Variants in FOXP1 observed in about 807,000 individuals in gnomAD.
FOXP1 encodes the protein forkhead box protein P1.
In FOXP1, 15 loss-of-function variants were observed where a neutral mutation model predicts 98.2. That is an observed-to-expected ratio of 0.15 (90% CI 0.10 to 0.24). The LOEUF is 0.24. Ranked by LOEUF, FOXP1 falls within the 10% of genes least tolerant of loss-of-function variation. The pLI, the probability that FOXP1 is intolerant of heterozygous loss-of-function variation, is 1.00. For synonymous variants in FOXP1, 371 were observed against 314.5 expected (o/e 1.18, Z -1.90); for missense variants, 633 against 848.5 (o/e 0.75, Z 3.15).
intron 2 of FOXP1, among the ~76,000 whole-genome samples, chr3:71,545,793 A>G (rs1056855722): frequency 3.9e-5 from 6 of 152,238 alleles, no homozygotes; most frequent in Non-Finnish European, 8.8e-5. Context: ...TTACATTCCT[A>G]GAAAACAGAT....
intron 5 of FOXP1, among the ~76,000 whole-genome samples, chr3:71,216,121 C>T (rs1412775502): frequency 6.6e-6 from 1 of 152,164 alleles, no homozygotes; most frequent in Non-Finnish European, 1.5e-5. Context: ...AACCAAATCC[C>T]CATCACTGAC....
At chr3:71,502,030 G>A (rs2041418310) in intron 2 of FOXP1, among the ~76,000 whole-genome samples, 3 of 152,222 alleles carry the variant, frequency 2.0e-5, no homozygotes. Flanking sequence ...TCATCAGGAA[G>A]GCTCTTTTGG....
intron 3 of FOXP1, among the ~76,000 whole-genome samples, chr3:71,390,230 G>GT (rs1427749326): frequency 6.6e-6 from 1 of 152,146 alleles, no homozygotes; most frequent in Admixed American, 6.6e-5. Context: ...AGGACCTGCT[G>GT]TAACTCAAAA....
chr3:71,277,829 A>AT (rs1230984313), intron 5 of FOXP1, among the ~76,000 whole-genome samples: 6 of 152,090 alleles, frequency 3.9e-5, no homozygotes, highest in Non-Finnish European at 7.4e-5. Flanking sequence ...AATTAATTAA[A>AT]TTTTTTTAGG....
chr3:71,247,365 G>A (rs1359894564), intron 5 of FOXP1, among the ~76,000 whole-genome samples: 6 of 152,132 alleles, frequency 3.9e-5, no homozygotes, highest in African/African-American at 1.2e-4. Flanking sequence ...CTCTTCCCTG[G>A]GCAGGGAGAA....
At chr3:71,528,616 T>G (rs1458152655) in intron 2 of FOXP1, among the ~76,000 whole-genome samples, 1 of 152,244 alleles carries the variant, frequency 6.6e-6, no homozygotes, top group Non-Finnish European at 1.5e-5. Context: ...CGGAGTCATT[T>G]ACCCTGATTT....
intron 3 of FOXP1, among the ~76,000 whole-genome samples, chr3:71,433,031 T>G (rs2084880898): frequency 6.6e-6 from 1 of 151,556 alleles, no homozygotes; most frequent in African/African-American, 2.4e-5. Context: ...GATCTTTTGG[T>G]GTTAAAAAAA....
At chr3:71,064,829 A>G (rs2107326693) in intron 7 of FOXP1, 2 of 982,778 alleles carry the variant, frequency 2.0e-6, no homozygotes, top group Non-Finnish European at 2.4e-6. Flanking sequence ...CCAACCTGAC[A>G]CTCTCCATGT....
At chr3:71,212,335 T>C (rs2064545473) in intron 5 of FOXP1, among the ~76,000 whole-genome samples, 1 of 152,206 alleles carries the variant, frequency 6.6e-6, no homozygotes, top group African/African-American at 2.4e-5. Flanking sequence ...CTCCACGCTA[T>C]AATCTTGACC....
rs184623434 is a variant in FOXP1 at position 71,353,148 on chromosome 3, G to C, written c.-73+6002C>G. 2.5e-4 allele frequency among the ~76,000 whole-genome samples: 38 copies of C among 152,276 alleles called. 1 individual carries two copies. Among genetic ancestry groups the C allele is most frequent in the African/African-American group, 8.7e-4 (36 of 41,574 alleles). On this transcript the variant is annotated intron_variant, in intron 4 of 20. Coordinates refer to ENST00000649528, the MANE Select transcript of FOXP1 (RefSeq NM_001349338.3). ...CTTAGCCAGAGTCACCTGGCACTGA[G>C]AGACTGCTGAACCAAATTGGACTCA...
At chr3:71,069,378 C>T (rs2052945079) in intron 7 of FOXP1, among the ~76,000 whole-genome samples, 1 of 152,124 alleles carries the variant, frequency 6.6e-6, no homozygotes, top group Admixed American at 6.5e-5. Flanking sequence ...CAGAGGTAAA[C>T]AAAATCATGA....
At chr3:71,268,059 T>C (rs1194479664) in intron 5 of FOXP1, among the ~76,000 whole-genome samples, 1 of 150,478 alleles carries the variant, frequency 6.6e-6, no homozygotes, top group African/African-American at 2.4e-5. Flanking sequence ...GATTTTAAAA[T>C]TATTTCAGCT....
intron 7 of FOXP1, among the ~76,000 whole-genome samples, chr3:71,089,814 T>A (rs1370231385): frequency 6.6e-6 from 1 of 152,224 alleles, no homozygotes; most frequent in Non-Finnish European, 1.5e-5. Flanking sequence ...CCTTTGAGAC[T>A]CTGAGGTGAA....
intron 2 of FOXP1, among the ~76,000 whole-genome samples, chr3:71,579,264 A>G (rs1157903143): frequency 6.6e-6 from 1 of 152,214 alleles, no homozygotes; most frequent in African/African-American, 2.4e-5. Context: ...TTTATACTCC[A>G]CGATTTAAAT....
intron 7 of FOXP1, among the ~76,000 whole-genome samples, chr3:71,104,545 C>G (rs1229101889): frequency 6.6e-6 from 1 of 152,174 alleles, no homozygotes; most frequent in Non-Finnish European, 1.5e-5. Context: ...AAATCCAATT[C>G]TTTCACATCC....
chr3:70,959,476 A>C, intron 20 of FOXP1, 85 bp from the exon 21 acceptor site: 1 of 1,458,842 alleles, frequency 6.9e-7, no homozygotes, highest in Non-Finnish European at 9.6e-7. Flanking sequence ...GGCAACAGAA[A>C]AGCCGCACTC....
chr3:71,203,167 C>T (rs893058685), intron 5 of FOXP1, among the ~76,000 whole-genome samples: 6 of 152,186 alleles, frequency 3.9e-5, no homozygotes, highest in Non-Finnish European at 8.8e-5. Context: ...GTGGCATCTC[C>T]AGATGAACTG....
chr3:71,582,106 C>T lies in FOXP1; in HGVS notation c.-446-409G>A, dbSNP rs1264591967. The T allele has an allele frequency of 8.2e-6, 8 of 978,562 alleles. No homozygotes were observed. In the African/African-American group the frequency reaches 1.3e-4, roughly 16 times the overall value. The allele number at this position is 978,562 out of a possible 1,614,324, so 60.6% of individuals were successfully genotyped here. A position where few individuals can be genotyped will look rare whatever the true frequency, so the allele number is the denominator to read the frequency against. On this transcript the variant is annotated intron_variant, in intron 1 of 20. Transcript: ENST00000649528. ...GGGGCTGCAGGCAGCGATTTCGAAG[C>T]AAACACATGGGAGGGGGGCATGCGA...
intron 5 of FOXP1, among the ~76,000 whole-genome samples, chr3:71,250,129 G>A (rs1237519492): frequency 6.7e-6 from 1 of 150,076 alleles, no homozygotes; most frequent in East Asian, 1.9e-4. Context: ...ATTATTCATT[G>A]TGTAAGCTAC....
Sources: gnomAD v4.1 joint callset for allele counts (sites outside exome capture counted in the v4.1 genomes callset) on GRCh38, gnomAD v4.1.1 for gene constraint, MANE v1.5 for transcripts, NCBI Gene and HGNC (gene_info 2026-07-23, HGNC 2026-07-21) for gene names.